HSF2BP: variants seen among roughly 807,000 people sequenced by gnomAD.
The protein encoded by HSF2BP is heat shock transcription factor 2 binding protein.
A neutral mutation model predicts 35.0 loss-of-function variants in HSF2BP; 35 were observed. The ratio of observed to expected loss-of-function variants is 1.00; its 90% CI spans 0.76 to 1.32. HSF2BP has a LOEUF of 1.32. Among genes scored for constraint, HSF2BP ranks in the 40% most tolerant of loss-of-function variants. The pLI is 0.00. For synonymous variants in HSF2BP, 114 were observed against 117.4 expected, an observed-to-expected ratio of 0.97 and a Z score of 0.18; for missense variants, 326 against 321.7, an observed-to-expected ratio of 1.01 and a Z score of -0.10.
At chr21:43,501,614 G>C in the HSF2BP span, among the ~76,000 whole-genome samples, 1 of 14,420 alleles carries the variant, frequency 6.9e-5, no homozygotes, top group Non-Finnish European at 1.3e-4. Flanking sequence ...TGTTGGCCAG[G>C]CTGGTCTCAA....
chr21:43,505,280 C>G, the HSF2BP span, among the ~76,000 whole-genome samples: 1 of 68,016 alleles, frequency 1.5e-5, no homozygotes, highest in East Asian at 3.4e-4. Context: ...TATACACACA[C>G]TTGCTGAAAA....
intron 8 of HSF2BP, among the ~76,000 whole-genome samples, chr21:43,572,775 C>T (rs1233447353): frequency 6.6e-6 from 1 of 152,258 alleles, no homozygotes; most frequent in Non-Finnish European, 1.5e-5. Context: ...AACACACACA[C>T]ATTTTCCTGT....
chr21:43,595,726 A>T (rs1469889060), intron 7 of HSF2BP, among the ~76,000 whole-genome samples: 6 of 58,416 alleles, frequency 1.0e-4, no homozygotes, highest in Non-Finnish European at 1.5e-4. Context: ...TAAGAGGCTA[A>T]TTTTTTTTTT....
chr21:43,658,563 A>G (rs978546835), intron 1 of HSF2BP, among the ~76,000 whole-genome samples: 3 of 152,206 alleles, frequency 2.0e-5, no homozygotes, highest in African/African-American at 7.2e-5. Context: ...GAGCGGAGCA[A>G]CTGAGATAAC....
intron 4 of HSF2BP, among the ~76,000 whole-genome samples, chr21:43,643,506 C>G (rs1211369477): frequency 6.6e-6 from 1 of 152,186 alleles, no homozygotes; most frequent in Non-Finnish European, 1.5e-5. Flanking sequence ...TCCTCAGTTT[C>G]TCTCTCTTGC....
chr21:43,620,854 C>T (rs542598938), intron 6 of HSF2BP, among the ~76,000 whole-genome samples: 16 of 152,066 alleles, frequency 1.1e-4, no homozygotes, highest in African/African-American at 3.9e-4. Context: ...AATCACTGAG[C>T]TCAGAGACAA....
intron 7 of HSF2BP, among the ~76,000 whole-genome samples, chr21:43,593,093 A>T (rs1381113272): frequency 1.3e-5 from 2 of 152,256 alleles, no homozygotes; most frequent in Admixed American, 1.3e-4. Context: ...ACAAAGTAAG[A>T]GCACAAAATC....
At position 43,651,350 on chromosome 21, in the gene HSF2BP, C is replaced by T. The variant is rs539986275; in HGVS notation, c.187+5237G>A. Among the ~76,000 whole-genome samples the T allele has an allele frequency of 2.0e-5, 3 of 152,240 alleles. No individual in the cohort carries two copies. In the East Asian group the frequency reaches 5.8e-4, roughly 29 times the overall value. ...TCCTGTATCTCCATACTCTCACTGC[C>T]GATCATAAATCATGACACTTTGTCC... is the stretch of plus-strand genomic sequence containing the variant. On this transcript the variant is annotated intron_variant, in intron 3 of 8. Coordinates refer to ENST00000291560, the MANE Select transcript of HSF2BP (RefSeq NM_007031.2).
Position 43,597,802 on chromosome 21 carries a change from C to A in HSF2BP, c.693-5474G>T, listed in dbSNP as rs2082004429. On this transcript the variant is annotated intron_variant, in intron 7 of 8. Coordinates refer to ENST00000291560, the MANE Select transcript of HSF2BP (RefSeq NM_007031.2). The surrounding 1 kb of genome is among the most constrained non-coding windows in gnomAD (Gnocchi z 4.3). ...AAAGTGCTGGGATTACAGGCATAAG[C>A]CATTGTGCCCAGCCCAAAATTTTAA... Among the ~76,000 whole-genome samples the A allele has an allele frequency of 6.6e-6, 1 of 152,224 alleles. No individual in the cohort carries two copies.
intron 6 of HSF2BP, among the ~76,000 whole-genome samples, chr21:43,623,315 AC>A (rs775792876): frequency 6.6e-6 from 1 of 152,212 alleles, no homozygotes; most frequent in Non-Finnish European, 1.5e-5. Flanking sequence ...CAAAAGCGAT[AC>A]TAAGAGGGAA....
At chr21:43,629,648 AT>A (rs1258831272) in intron 6 of HSF2BP, among the ~76,000 whole-genome samples, 2 of 152,234 alleles carry the variant, frequency 1.3e-5, no homozygotes, top group East Asian at 3.8e-4. Flanking sequence ...TGAAGGGTTC[AT>A]GACTTCAGTG....
intron 4 of HSF2BP, among the ~76,000 whole-genome samples, chr21:43,636,903 A>C (rs894482819): frequency 1.5e-4 from 22 of 151,516 alleles, no homozygotes; most frequent in African/African-American, 4.6e-4. Context: ...ACAAAAAAAA[A>C]AAAAAAAAAA....
At chr21:43,630,613 T>C (rs866318407) in intron 5 of HSF2BP, among the ~76,000 whole-genome samples, 159 bp from the exon 6 acceptor site, 2 of 152,162 alleles carry the variant, frequency 1.3e-5, no homozygotes, top group East Asian at 1.9e-4. Context: ...AGAAAGCAGC[T>C]TGAGGCATGC....
chr21:43,637,405 G>C (rs568609906), intron 4 of HSF2BP, among the ~76,000 whole-genome samples: 2 of 152,088 alleles, frequency 1.3e-5, no homozygotes, highest in African/African-American at 2.4e-5. Context: ...CTGTGCAAGA[G>C]AGCAGGGACT....
intron 8 of HSF2BP, among the ~76,000 whole-genome samples, chr21:43,572,132 G>C (rs886886650): frequency 2.0e-5 from 3 of 152,126 alleles, no homozygotes; most frequent in Non-Finnish European, 4.4e-5. Context: ...GGCCAGGCTT[G>C]GGGGAGGAGA....
chr21:43,645,717 C>A (rs2082699526), intron 3 of HSF2BP, among the ~76,000 whole-genome samples: 1 of 152,144 alleles, frequency 6.6e-6, no homozygotes, highest in African/African-American at 2.4e-5. Flanking sequence ...TTACTCCACC[C>A]TAGAGGAGAA....
At chr21:43,610,645 T>C (rs2146903719) in intron 7 of HSF2BP, among the ~76,000 whole-genome samples, 1 of 152,116 alleles carries the variant, frequency 6.6e-6, no homozygotes, top group East Asian at 1.9e-4. Context: ...CATATACACA[T>C]ATATTTTTTC....
chr21:43,633,184 T>TA, intron 5 of HSF2BP, 88 bp downstream of exon 5: 1 of 1,369,490 alleles, frequency 7.3e-7, no homozygotes, highest in Admixed American at 2.4e-5. Context: ...GATATGGACT[T>TA]AGTCTTTAAA....
chr21:43,658,030 CGCTGGCGTCGG>C lies in HSF2BP; in HGVS notation c.36+20_36+30del. On this transcript the variant is annotated intron_variant, in intron 2 of 8. Transcript: ENST00000291560. ...GGAGCGAATGGCGACGGTTCAAACA[CGCTGGCGTCGG>C]CCAGGGCTTCCTCACTAACCCGGCA... The C allele has an allele frequency of 6.5e-7, 1 of 1,535,576 alleles. No individual in the cohort carries two copies. Among genetic ancestry groups the C allele is most frequent in the Non-Finnish European group, 8.7e-7 (1 of 1,146,274 alleles).
Sources: gnomAD v4.1 joint callset for allele counts (sites outside exome capture counted in the v4.1 genomes callset) on GRCh38, gnomAD v4.1.1 for gene constraint, Gnocchi (gnomAD v3.1) non-coding constraint, MANE v1.5 for transcripts, NCBI Gene and HGNC (gene_info 2026-07-23, HGNC 2026-07-21) for gene names.